Variants in NWD1 observed in about 807,000 individuals in gnomAD.
NWD1 encodes the protein NACHT domain- and WD repeat-containing protein 1.
NWD1 carries 129 observed loss-of-function variants against 135.1 expected under a neutral mutation model. The ratio of observed to expected loss-of-function variants is 0.96; its 90% CI spans 0.83 to 1.11. The LOEUF (loss-of-function observed/expected upper bound fraction) is 1.11, where lower values mean the gene tolerates loss of function less well. NWD1 is among the 50% of genes least tolerant of loss of function. The pLI, the probability that NWD1 is intolerant of heterozygous loss-of-function variation, is 0.00. For missense variants in NWD1, 1,740 were observed against 1,851.3 expected (o/e 0.94, Z 1.10); for synonymous variants, 773 against 786.0 (o/e 0.98, Z 0.28).
At chr19:16,792,018 G>T (rs749670568) in intron 14 of NWD1, among the ~76,000 whole-genome samples, 1 of 152,054 alleles carries the variant, frequency 6.6e-6, no homozygotes, top group Non-Finnish European at 1.5e-5. Flanking sequence ...CCGGCCACAC[G>T]CTTGGCTTCT....
At chr19:16,795,382 GC>G (rs1970384418) in intron 15 of NWD1, among the ~76,000 whole-genome samples, 1 of 151,556 alleles carries the variant, frequency 6.6e-6, no homozygotes, top group African/African-American at 2.4e-5. Context: ...CGACCCTGAA[GC>G]CCCAGAGGGG....
chr19:16,767,046 A>G (rs1256549608), intron 10 of NWD1, among the ~76,000 whole-genome samples: 6 of 152,200 alleles, frequency 3.9e-5, no homozygotes, highest in African/African-American at 1.2e-4. Flanking sequence ...TCACACTGCT[A>G]TAAAGAAACA....
intron 13 of NWD1, among the ~76,000 whole-genome samples, chr19:16,790,112 C>A (rs1288748002): frequency 6.6e-6 from 1 of 152,096 alleles, no homozygotes; most frequent in Non-Finnish European, 1.5e-5. Flanking sequence ...CCTGTGATTT[C>A]ATAGTTTTAT....
At position 16,749,391 on chromosome 19, in the gene NWD1, T is replaced by G. The variant is rs1217901240; in HGVS notation, c.749T>G (p.Leu250Trp). The G allele has an allele frequency of 1.2e-6, 2 of 1,613,866 alleles. No homozygotes were observed. The highest frequency in any genetic ancestry group is 3.3e-5 in the Admixed American group (2 of 59,990). The change falls in exon 6 of 19, where the codon TTG becomes TGG. Residue 250 changes from leucine to tryptophan, a missense_variant. Leu to Trp is a moderately conservative substitution (Grantham distance 61, BLOSUM62 -2). Coordinates refer to ENST00000524140, the MANE Select transcript of NWD1 (RefSeq NM_001007525.5). Reference protein sequence around the residue: ...KTHRLPWSRDLVNPKNKTHAC... With the variant: ...KTHRLPWSRDWVNPKNKTHAC... ...CACCGCCTGCCGTGGAGCCGCGACTTGGTGAACCCCAAGAACAAGACTCAC... is the reference window on the plus strand; with the variant it reads ...CACCGCCTGCCGTGGAGCCGCGACTGGGTGAACCCCAAGAACAAGACTCAC...
At chr19:16,748,684 C>T (rs957681860) in intron 5 of NWD1, among the ~76,000 whole-genome samples, 3 of 151,990 alleles carry the variant, frequency 2.0e-5, no homozygotes, top group Non-Finnish European at 2.9e-5. Flanking sequence ...ATTAGCCAGG[C>T]GTGCTAGTGC....
intron 12 of NWD1, among the ~76,000 whole-genome samples, chr19:16,787,519 A>G (rs1339217462): frequency 3.3e-5 from 5 of 152,134 alleles, no homozygotes; most frequent in African/African-American, 1.2e-4. Context: ...CCATTTGGAC[A>G]GGTTCTATCA....
intron 7 of NWD1, among the ~76,000 whole-genome samples, chr19:16,761,661 C>G (rs1432828701): frequency 6.6e-6 from 1 of 152,150 alleles, no homozygotes; most frequent in Non-Finnish European, 1.5e-5. Context: ...CTGCACCCAG[C>G]CTGAACACCT....
rs1316232483 is a variant in NWD1 at position 16,755,705 on chromosome 19, T to TATTTA, written c.1770-3519_1770-3515dup. Among the ~76,000 whole-genome samples, 4 of 150,930 alleles carry TATTTA rather than the reference T, an allele frequency of 2.7e-5. No individual in the cohort carries two copies. In the East Asian group the frequency reaches 7.8e-4, roughly 29 times the overall value. On this transcript the variant is annotated intron_variant, in intron 6 of 18. Coordinates refer to ENST00000524140, the MANE Select transcript of NWD1 (RefSeq NM_001007525.5). ...ATCCAGCCTTATTTATTTATTTATT[T>TATTTA]ATTTATTTATTTAGTAGAGATGGGG...
At position 16,777,861 on chromosome 19, in the gene NWD1, GA is replaced by G. The variant is rs546413357; in HGVS notation, c.2609-1481del. 2.7e-3 allele frequency among the ~76,000 whole-genome samples: 219 copies of G among 80,408 alleles called. 3 individuals carry two copies. The highest frequency in any genetic ancestry group is 0.01 in the African/African-American group (198 of 18,958). The allele number at this position is 80,408 out of a possible 152,430, so 52.8% of individuals were successfully genotyped here. On this transcript the variant is annotated intron_variant, in intron 11 of 18. Transcript: ENST00000524140. ...GAAGGGGAGGGGAAAGGGAAGGGAA[GA>G]GGGGGGAAGGGGAGGGGAGAGGAAA...
intron 18 of NWD1, among the ~76,000 whole-genome samples, chr19:16,810,454 A>G (rs183257217): frequency 0.022 from 3,287 of 149,980 alleles, 121 homozygotes; most frequent in African/African-American, 0.073. Flanking sequence ...AAAAAAAAAA[A>G]AAAGAAAGAA....
chr19:16,741,103 T>A (rs1442641933), intron 4 of NWD1, among the ~76,000 whole-genome samples: 2 of 152,110 alleles, frequency 1.3e-5, no homozygotes, highest in African/African-American at 4.8e-5. Flanking sequence ...GAGGTTGCAG[T>A]GAGCCAAGAT....
intron 3 of NWD1, among the ~76,000 whole-genome samples, chr19:16,734,117 G>A (rs371111829): frequency 6.6e-6 from 1 of 152,062 alleles, no homozygotes; most frequent in Admixed American, 6.6e-5. Flanking sequence ...GCAAGCGTGC[G>A]GTTGCCAAGG....
At chr19:16,764,573 T>G in intron 9 of NWD1, among the ~76,000 whole-genome samples, 1 of 151,454 alleles carries the variant, frequency 6.6e-6, no homozygotes, top group East Asian at 2.0e-4. Flanking sequence ...CATTATCTAT[T>G]CATTCATCTA....
chr19:16,760,682 C>A (rs568287852), intron 7 of NWD1, among the ~76,000 whole-genome samples: 294 of 152,218 alleles, frequency 1.9e-3, no homozygotes, highest in African/African-American at 6.6e-3. Flanking sequence ...CCTCTGCCTC[C>A]CAGGTTTCAG....
chr19:16,758,757 A>T (rs2122866270), intron 6 of NWD1, among the ~76,000 whole-genome samples: 1 of 152,096 alleles, frequency 6.6e-6, no homozygotes, highest in South Asian at 2.1e-4. Context: ...AGAGGAAAAG[A>T]TTGGCACTTT....
At position 16,750,215 on chromosome 19, in the gene NWD1, G is replaced by A. The variant is rs986592517; in HGVS notation, c.1573G>A (p.Ala525Thr). 1.4e-5 allele frequency: 22 copies of A among 1,613,162 alleles called. No homozygotes were observed. Among genetic ancestry groups the A allele is most frequent in the Non-Finnish European group, 1.7e-5 (20 of 1,179,740 alleles). The change falls in exon 6 of 19, where the codon GCC (alanine) becomes ACC (threonine). Residue 525 changes from alanine to threonine, a missense_variant. Ala to Thr is a moderately conservative substitution (Grantham distance 58). Coordinates refer to ENST00000524140, the MANE Select transcript of NWD1 (RefSeq NM_001007525.5). The part of the protein sequence containing the change: ...LSPVHTDLLW[A>T]SLPECGNPGR... ...CCCGGTGCACACAGATTTGCTCTGG[G>A]CCAGCCTCCCAGAGTGTGGGAACCC...
At chr19:16,728,943 C>CAAA (rs59881448) in intron 2 of NWD1, among the ~76,000 whole-genome samples, 2 of 98,738 alleles carry the variant, frequency 2.0e-5, no homozygotes, top group Non-Finnish European at 3.9e-5. Context: ...GACTCCATCT[C>CAAA]AAAAAAAAAA....
At chr19:16,797,362 G>C (rs1348546821) in intron 15 of NWD1, among the ~76,000 whole-genome samples, 2 of 146,664 alleles carry the variant, frequency 1.4e-5, no homozygotes, top group Non-Finnish European at 3.0e-5. Context: ...ACAGAGTCTG[G>C]CTCTGTTGCC....
intron 10 of NWD1, among the ~76,000 whole-genome samples, chr19:16,771,102 C>T (rs1193551402): frequency 1.3e-5 from 2 of 152,210 alleles, no homozygotes; most frequent in African/African-American, 4.8e-5. Flanking sequence ...GAGTTCAAGA[C>T]CATCCTGGGC....
Sources: allele counts gnomAD v4.1 joint callset (sites outside exome capture counted in the v4.1 genomes callset), GRCh38; gene constraint gnomAD v4.1.1; transcripts MANE v1.5; gene names NCBI Gene and HGNC (gene_info 2026-07-23, HGNC 2026-07-21).